Variants in FUT8 observed in about 807,000 individuals in gnomAD.
FUT8 encodes the protein fucosyltransferase 8.
Under a neutral mutation model 71.3 loss-of-function variants are expected in FUT8, and 29 were observed. The observed-to-expected ratio is 0.41, with a 90% CI of 0.30 to 0.55. FUT8 has a LOEUF of 0.55. FUT8 is among the 20% of genes least tolerant of loss of function. The probability of loss-of-function intolerance (pLI) is 0.34; values close to 1 mark genes in which losing one functional copy is unlikely to be tolerated. For synonymous variants in FUT8, 254 were observed against 239.3 expected, an observed-to-expected ratio of 1.06 and a Z score of -0.57; for missense variants, 544 against 702.1, an observed-to-expected ratio of 0.77 and a Z score of 2.55.
rs550861307 is a variant in FUT8 at position 65,666,980 on chromosome 14, A to G, written c.598-2263A>G. ...ATAAAATTCAGACTCTCTTCATGTT[A>G]AAAATCCTCAACAGACTAGCCATCG... On this transcript the variant is annotated intron_variant, in intron 6 of 10. Transcript: ENST00000673929. Among the ~76,000 whole-genome samples the G allele has an allele frequency of 2.4e-3, 367 of 152,300 alleles. 3 individuals are homozygous for G. Among genetic ancestry groups the G allele is most frequent in the South Asian group, 4.3e-3 (21 of 4,828 alleles).
chr14:65,425,892 G>T (rs1175221746), intron 1 of FUT8, among the ~76,000 whole-genome samples: 3 of 151,796 alleles, frequency 2.0e-5, no homozygotes, highest in Non-Finnish European at 4.4e-5. Context: ...CAGGAGAATT[G>T]CTTGAACCTG....
upstream of FUT8, among the ~76,000 whole-genome samples, chr14:65,407,125 C>A (rs139555284): frequency 1.1e-3 from 166 of 152,274 alleles, no homozygotes; most frequent in African/African-American, 3.8e-3. Context: ...AAACAACTCA[C>A]AACTTTGTTA....
intron 7 of FUT8, among the ~76,000 whole-genome samples, chr14:65,721,087 A>T (rs1220897950): frequency 6.6e-6 from 1 of 152,080 alleles, no homozygotes; most frequent in East Asian, 1.9e-4. Flanking sequence ...AGCAATATGA[A>T]GTTAAAATCA....
intron 10 of FUT8, 137 bp from the exon 11 acceptor site, chr14:65,741,956 G>A (rs1247650034): frequency 3.6e-5 from 23 of 639,398 alleles, no homozygotes; most frequent in South Asian, 2.0e-4. Context: ...AGAACAAATG[G>A]ACTGAAAGCT....
intron 7 of FUT8, among the ~76,000 whole-genome samples, chr14:65,683,255 C>T (rs1303889769): frequency 5.3e-5 from 8 of 152,036 alleles, no homozygotes; most frequent in Non-Finnish European, 8.8e-5. Context: ...CCTCGTGATC[C>T]GCCCGCCTGG....
At chr14:65,567,523 A>G (rs531857095) in intron 3 of FUT8, among the ~76,000 whole-genome samples, 7 of 152,058 alleles carry the variant, frequency 4.6e-5, no homozygotes, top group East Asian at 1.9e-4. Flanking sequence ...CGTCTTCTCT[A>G]TAACTCCTAG....
intron 3 of FUT8, among the ~76,000 whole-genome samples, chr14:65,570,407 T>TG (rs1382822091): frequency 6.6e-6 from 1 of 151,346 alleles, no homozygotes; most frequent in Non-Finnish European, 1.5e-5. Context: ...ATTTGCAAGT[T>TG]TTTTTTTTTC....
At chr14:65,583,546 A>G (rs143016829) in intron 3 of FUT8, among the ~76,000 whole-genome samples, 17 of 152,292 alleles carry the variant, frequency 1.1e-4, no homozygotes, top group South Asian at 2.1e-4. Context: ...ACTGCCATTC[A>G]TAACCAACAG....
chr14:65,535,198 C>G (rs529982243), intron 2 of FUT8, among the ~76,000 whole-genome samples: 3 of 151,964 alleles, frequency 2.0e-5, no homozygotes, highest in Non-Finnish European at 1.5e-5. Context: ...CTCCCAGGTT[C>G]AAGCGATTCT....
chr14:65,689,210 A>G (rs1763275403), intron 7 of FUT8, among the ~76,000 whole-genome samples: 1 of 152,166 alleles, frequency 6.6e-6, no homozygotes, highest in Non-Finnish European at 1.5e-5. Flanking sequence ...TCTAATAGAT[A>G]TGTGGTAGTA....
intron 2 of FUT8, among the ~76,000 whole-genome samples, chr14:65,496,778 T>G (rs2066566297): frequency 6.6e-6 from 1 of 152,190 alleles, no homozygotes; most frequent in Non-Finnish European, 1.5e-5. Flanking sequence ...TTTCTTGGTA[T>G]GACTCAGGAA....
At chr14:65,384,895 C>CTT in the FUT8 span, among the ~76,000 whole-genome samples, 2 of 142,956 alleles carry the variant, frequency 1.4e-5, no homozygotes, top group African/African-American at 2.6e-5. This position sits in a 1 kb window ranked among gnomAD's most constrained non-coding sequence, Gnocchi z 4.2. Flanking sequence ...AGGTTAGATA[C>CTT]TTTTTTTTTT....
intron 1 of FUT8, among the ~76,000 whole-genome samples, chr14:65,450,029 C>T (rs189685717): frequency 1.1e-4 from 17 of 152,268 alleles, no homozygotes; most frequent in African/African-American, 4.1e-4. Flanking sequence ...ACATGTTTTC[C>T]CATGACTTTG....
chr14:65,698,603 TA>T (rs1210518775), intron 7 of FUT8, among the ~76,000 whole-genome samples: 2 of 152,196 alleles, frequency 1.3e-5, no homozygotes, highest in Non-Finnish European at 2.9e-5. Context: ...ACCTGAGTAA[TA>T]TTAACGTTTT....
chr14:65,495,637 G>A (rs2066547319), intron 2 of FUT8, among the ~76,000 whole-genome samples: 1 of 152,132 alleles, frequency 6.6e-6, no homozygotes, highest in African/African-American at 2.4e-5. Flanking sequence ...GATTTGTATT[G>A]CTAATTGAGA....
intron 3 of FUT8, among the ~76,000 whole-genome samples, chr14:65,583,646 C>G (rs905489547): frequency 1.4e-5 from 2 of 141,332 alleles, no homozygotes; most frequent in African/African-American, 5.4e-5. Flanking sequence ...AAATAATAAG[C>G]AAAAAAAAAA....
chr14:65,478,437 C>T (rs2066280565), intron 2 of FUT8, among the ~76,000 whole-genome samples: 1 of 152,046 alleles, frequency 6.6e-6, no homozygotes, highest in African/African-American at 2.4e-5. Flanking sequence ...CAAATATCCC[C>T]AATAGGAAAA....
chr14:65,530,233 T>A (rs1457882740), intron 2 of FUT8, among the ~76,000 whole-genome samples: 1 of 152,206 alleles, frequency 6.6e-6, no homozygotes, highest in African/African-American at 2.4e-5. Context: ...TTTCACCTCC[T>A]ACATACTACA....
intron 2 of FUT8, among the ~76,000 whole-genome samples, chr14:65,558,283 G>A (rs1885706358): frequency 7.1e-6 from 1 of 141,308 alleles, no homozygotes; most frequent in Non-Finnish European, 1.5e-5. Flanking sequence ...AGTGAGCCGA[G>A]ATTGTGCCAC....
Sources: gnomAD v4.1 joint callset for allele counts (sites outside exome capture counted in the v4.1 genomes callset) on GRCh38, gnomAD v4.1.1 for gene constraint, Gnocchi (gnomAD v3.1) non-coding constraint, MANE v1.5 for transcripts, NCBI Gene and HGNC (gene_info 2026-07-23, HGNC 2026-07-21) for gene names.